Variants in NECTIN1 observed in about 807,000 individuals in gnomAD.
NECTIN1 encodes nectin-1.
In NECTIN1, 23 loss-of-function variants were observed where a neutral mutation model predicts 48.0. That is an observed-to-expected ratio of 0.48 (90% confidence interval 0.34 to 0.68). The LOEUF (loss-of-function observed/expected upper bound fraction) is 0.68, where lower values mean the gene tolerates loss of function less well. NECTIN1 is among the 30% of genes least tolerant of loss of function. NECTIN1 has a pLI of 0.01. For synonymous variants in NECTIN1, 270 were observed against 288.9 expected (o/e 0.93, Z 0.66); for missense variants, 591 against 709.9 (o/e 0.83, Z 1.90).
intron 1 of NECTIN1, among the ~76,000 whole-genome samples, chr11:119,712,090 A>C (rs1296367239): frequency 6.6e-6 from 1 of 152,216 alleles, no homozygotes; most frequent in Admixed American, 6.5e-5. Context: ...TGTCTTGGGA[A>C]GAAGAGGACA....
intron 1 of NECTIN1, among the ~76,000 whole-genome samples, chr11:119,708,981 C>T (rs879681675): frequency 6.6e-6 from 1 of 152,002 alleles, no homozygotes; most frequent in African/African-American, 2.4e-5. Flanking sequence ...CAGGACTGCC[C>T]AGGACTGATT....
chr11:119,716,896 T>TAC (rs1865752126), intron 1 of NECTIN1, among the ~76,000 whole-genome samples: 1 of 152,204 alleles, frequency 6.6e-6, no homozygotes, highest in African/African-American at 2.4e-5. Context: ...CGTGACCTCA[T>TAC]ACACGCACAC....
intron 5 of NECTIN1, among the ~76,000 whole-genome samples, chr11:119,650,096 C>G (rs1433756038): frequency 6.6e-6 from 1 of 150,666 alleles, no homozygotes; most frequent in Admixed American, 6.6e-5. Flanking sequence ...GAGTGGGGGT[C>G]ACAAGGTACT....
In NECTIN1 at chr11:119,684,539, C is replaced by CGGTGAGAAACCGGCTAAGTGGTAAGTGG. The variant is rs1565391109; in HGVS notation, c.80-5802_80-5775dup. The stretch of plus-strand genomic sequence containing the variant: ...AACTGGCAGAAGGGGACAGGATGTC[C>CGGTGAGAAACCGGCTAAGTGGTAAGTGG]GGTGAGAAACCGGCTAAGTGGTAAG... On this transcript the variant is annotated intron_variant, in intron 1 of 5. Coordinates refer to ENST00000264025, the MANE Select transcript of NECTIN1 (RefSeq NM_002855.5). The surrounding 1 kb of genome is among the most constrained non-coding windows in gnomAD (Gnocchi z 5.2). Among the ~76,000 whole-genome samples the CGGTGAGAAACCGGCTAAGTGGTAAGTGG allele has an allele frequency of 6.6e-6, 1 of 152,178 alleles. No individual in the cohort carries two copies. Among genetic ancestry groups the CGGTGAGAAACCGGCTAAGTGGTAAGTGG allele is most frequent in the Admixed American group, 6.5e-5 (1 of 15,278 alleles).
rs1170204388 is a variant in NECTIN1 at position 119,677,869 on chromosome 11, CAGAG to C, written c.431-16_431-13del. 5 of 1,613,286 alleles carry C rather than the reference CAGAG, an allele frequency of 3.1e-6. No homozygotes were observed. The highest frequency in any genetic ancestry group is 3.4e-6 in the Non-Finnish European group (4 of 1,179,580). On this transcript the variant is annotated splice_polypyrimidine_tract_variant and intron_variant, in intron 2 of 5. Coordinates refer to ENST00000264025, the MANE Select transcript of NECTIN1 (RefSeq NM_002855.5). This position sits in a 1 kb window ranked among gnomAD's most constrained non-coding sequence, Gnocchi z 5.4. ...ATTGGTGGGTTTGGCTGCGAGGAAG[CAGAG>C]AGAGTGATGGGACTAGCCCTGTTGA... is the stretch of plus-strand genomic sequence containing the variant.
At position 119,727,661 on chromosome 11, in the gene NECTIN1, C is replaced by G. The variant is rs1036685031; in HGVS notation, c.79+814G>C. On this transcript the variant is annotated intron_variant, in intron 1 of 5. Coordinates refer to ENST00000264025, the MANE Select transcript of NECTIN1 (RefSeq NM_002855.5). The surrounding 1 kb of genome is among the most constrained non-coding windows in gnomAD (Gnocchi z 4.1). ...CCACCCCACCCGTCAGAATGGGCCA[C>G]CAGGGCCACCCCGGGGTCGGGCGCG... is the stretch of plus-strand genomic sequence containing the variant. Among the ~76,000 whole-genome samples, 1 of 152,222 alleles carries G rather than the reference C, an allele frequency of 6.6e-6. No homozygotes were observed. Among genetic ancestry groups the G allele is most frequent in the South Asian group, 2.1e-4 (1 of 4,836 alleles).
At chr11:119,670,853 G>A (rs370387518) in intron 5 of NECTIN1, among the ~76,000 whole-genome samples, 1 of 151,844 alleles carries the variant, frequency 6.6e-6, no homozygotes, top group Non-Finnish European at 1.5e-5. Flanking sequence ...TGGCCAGGCT[G>A]GTCTCGAACT....
intron 4 of NECTIN1, among the ~76,000 whole-genome samples, chr11:119,675,979 C>A (rs1027236210): frequency 1.3e-5 from 2 of 149,848 alleles, no homozygotes; most frequent in Non-Finnish European, 2.9e-5. Flanking sequence ...GCACTCCAGC[C>A]TGGGTGACAG....
At chr11:119,725,951 A>T (rs1865901623) in intron 1 of NECTIN1, among the ~76,000 whole-genome samples, 1 of 152,160 alleles carries the variant, frequency 6.6e-6, no homozygotes, top group African/African-American at 2.4e-5. Flanking sequence ...CTCTCCTCTA[A>T]GTTAACAGGA....
At chr11:119,660,211 C>CG (rs140709155), downstream of NECTIN1, among the ~76,000 whole-genome samples, 3 of 151,906 alleles carry the variant, frequency 2.0e-5, no homozygotes, top group South Asian at 2.1e-4. Context: ...CTACTGGGTG[C>CG]GGGGGGTGAC....
intron 4 of NECTIN1, chr11:119,676,841 A>C: frequency 1.9e-6 from 1 of 527,338 alleles, no homozygotes; most frequent in African/African-American, 1.9e-5. Context: ...TTTATTAGGA[A>C]GAGGGAGGGA....
intron 5 of NECTIN1, among the ~76,000 whole-genome samples, chr11:119,674,836 C>A (rs1215772725): frequency 6.6e-6 from 1 of 152,186 alleles, no homozygotes; most frequent in African/African-American, 2.4e-5. Context: ...TGCCAGCATC[C>A]CACAGCGTGT....
Position 119,683,265 on chromosome 11 carries a change from T to C in NECTIN1, c.80-4500A>G, listed in dbSNP as rs1261100221. Reference sequence around the variant, plus strand: ...CACTAAAATGGTAGCATATTGGAGCTTGATGGACCATGCAATCCATCATTT... The same window carrying C: ...CACTAAAATGGTAGCATATTGGAGCCTGATGGACCATGCAATCCATCATTT... On this transcript the variant is annotated intron_variant, in intron 1 of 5. Coordinates refer to ENST00000264025, the MANE Select transcript of NECTIN1 (RefSeq NM_002855.5). The surrounding 1 kb of genome is among the most constrained non-coding windows in gnomAD (Gnocchi z 4.0). Among the ~76,000 whole-genome samples, 1 of 152,216 alleles carries C rather than the reference T, an allele frequency of 6.6e-6. No homozygotes were observed. The highest frequency in any genetic ancestry group is 2.4e-5 in the African/African-American group (1 of 41,452).
intron 1 of NECTIN1, among the ~76,000 whole-genome samples, chr11:119,705,606 G>T (rs1002964866): frequency 6.4e-4 from 98 of 152,322 alleles, no homozygotes; most frequent in African/African-American, 2.1e-3. Flanking sequence ...AGACGGAGGA[G>T]ACTGATGCAG....
intron 5 of NECTIN1, among the ~76,000 whole-genome samples, chr11:119,643,873 C>T (rs1228706851): frequency 5.3e-5 from 8 of 152,230 alleles, no homozygotes; most frequent in East Asian, 1.9e-4. Context: ...CACCAGGCTC[C>T]GGGCTGGACC....
At chr11:119,675,121 G>A (rs764461108) in intron 5 of NECTIN1, 38 bp downstream of exon 5, 17 of 1,613,434 alleles carry the variant, frequency 1.1e-5, no homozygotes, top group African/African-American at 4.0e-5. Flanking sequence ...GAAGGAACCC[G>A]TGGGTGCGGA....
rs113169206 is a variant in NECTIN1, at chr11:119,668,082, C to T, written c.1004-2785G>A. On this transcript the variant is annotated intron_variant, in intron 5 of 5. Transcript: ENST00000264025. ...ACCTCCTGCCTCCAAGACAGTCTCA[C>T]ATAACTGATATCTAGGTGGACACAT... Among the ~76,000 whole-genome samples, 666 of 152,320 alleles carry T rather than the reference C, an allele frequency of 4.4e-3. 8 individuals are homozygous for T. Among genetic ancestry groups the T allele is most frequent in the African/African-American group, 0.014 (599 of 41,558 alleles).
At chr11:119,679,687 A>G (rs1180160416) in intron 1 of NECTIN1, among the ~76,000 whole-genome samples, 1 of 151,862 alleles carries the variant, frequency 6.6e-6, no homozygotes, top group East Asian at 1.9e-4. Flanking sequence ...TTGCCGAGTG[A>G]CATATTCCAG....
At chr11:119,705,688 G>A (rs981637269) in intron 1 of NECTIN1, among the ~76,000 whole-genome samples, 2 of 152,226 alleles carry the variant, frequency 1.3e-5, no homozygotes, top group African/African-American at 2.4e-5. Flanking sequence ...TCTGTGACCC[G>A]GCTTTGTTTC....
Sources: gnomAD v4.1 joint callset for allele counts (sites outside exome capture counted in the v4.1 genomes callset) on GRCh38, gnomAD v4.1.1 for gene constraint, Gnocchi (gnomAD v3.1) non-coding constraint, MANE v1.5 for transcripts, NCBI Gene and HGNC (gene_info 2026-07-23, HGNC 2026-07-21) for gene names.